The following BNC2 variants were observed in gnomAD, a reference collection of about 807,000 sequenced individuals.
BNC2 encodes basonuclin zinc finger protein 2, also known as zinc finger protein basonuclin-2.
Under a neutral mutation model 76.3 loss-of-function variants are expected in BNC2, and 20 were observed. The ratio of observed to expected loss-of-function variants is 0.26; its 90% CI spans 0.18 to 0.38. The LOEUF (loss-of-function observed/expected upper bound fraction) is 0.38, where lower values mean the gene tolerates loss of function less well. BNC2 is among the 10% of genes least tolerant of loss of function. BNC2 has a pLI of 1.00. For missense variants in BNC2, 1,382 were observed against 1,399.8 expected (o/e 0.99, Z 0.20); for synonymous variants, 582 against 514.8 (o/e 1.13, Z -1.77).
chr9:16,572,116 G>T (rs1819343220), intron 4 of BNC2, among the ~76,000 whole-genome samples: 2 of 151,904 alleles, frequency 1.3e-5, no homozygotes, highest in South Asian at 4.2e-4. Flanking sequence ...TGCAGGCAAA[G>T]GAATATAAAA....
intron 5 of BNC2, among the ~76,000 whole-genome samples, chr9:16,470,746 C>G (rs1013371875): frequency 6.6e-6 from 1 of 152,236 alleles, no homozygotes; most frequent in Non-Finnish European, 1.5e-5. Context: ...GTTTCGGAAC[C>G]TCCGCCTAGA....
At chr9:16,565,751 T>C (rs1209485593) in intron 4 of BNC2, among the ~76,000 whole-genome samples, 1 of 150,562 alleles carries the variant, frequency 6.6e-6, no homozygotes, top group Non-Finnish European at 1.5e-5. Flanking sequence ...GAGGCTGCAG[T>C]GAGCCAAGAT....
intron 3 of BNC2, among the ~76,000 whole-genome samples, chr9:16,615,564 T>C (rs996410226): frequency 6.6e-6 from 1 of 152,202 alleles, no homozygotes; most frequent in Non-Finnish European, 1.5e-5. Flanking sequence ...TTCGGTTTAC[T>C]ACTCTTAGCA....
At chr9:16,484,493 T>G (rs1257852759) in intron 5 of BNC2, among the ~76,000 whole-genome samples, 1 of 152,212 alleles carries the variant, frequency 6.6e-6, no homozygotes, top group African/African-American at 2.4e-5. Flanking sequence ...GTTGTAAAAC[T>G]AAAATATTTA....
rs74709401 is a variant in BNC2 at position 16,528,952 on chromosome 9, T to C, written c.669+23578A>G. ...TGTTCCAGAGGCCAGAAGTTTGCAA[T>C]TGAGGTGTGAGTAGGGCTGTGTTCC... On this transcript the variant is annotated intron_variant, in intron 5 of 6. Coordinates refer to ENST00000380672, the MANE Select transcript of BNC2 (RefSeq NM_017637.6). 2.9e-3 allele frequency among the ~76,000 whole-genome samples: 446 copies of C among 152,288 alleles called. 3 individuals are homozygous for C. Among genetic ancestry groups the C allele is most frequent in the African/African-American group, 0.01 (417 of 41,552 alleles).
At chr9:16,533,935 A>C (rs2132267351) in intron 5 of BNC2, among the ~76,000 whole-genome samples, 1 of 152,266 alleles carries the variant, frequency 6.6e-6, no homozygotes, top group African/African-American at 2.4e-5. Context: ...CTTAGTAGTA[A>C]TACAGCAGAT....
chr9:16,427,752 G>A (rs1820829472), intron 6 of BNC2, among the ~76,000 whole-genome samples: 1 of 152,166 alleles, frequency 6.6e-6, no homozygotes, highest in Non-Finnish European at 1.5e-5. Flanking sequence ...CATCTCTGCT[G>A]ATGAATGGAA....
At chr9:16,681,647 C>A (rs749524799) in intron 3 of BNC2, among the ~76,000 whole-genome samples, 5 of 152,140 alleles carry the variant, frequency 3.3e-5, no homozygotes, top group Non-Finnish European at 5.9e-5. Context: ...TTATTCTCTA[C>A]CCCTCCCTTC....
chr9:16,547,279 C>T (rs1250690775), intron 5 of BNC2, among the ~76,000 whole-genome samples: 1 of 152,238 alleles, frequency 6.6e-6, no homozygotes, highest in Non-Finnish European at 1.5e-5. Context: ...GCATGGGAGC[C>T]TTTACTTTTC....
At chr9:16,769,961 G>A (rs1825791848) in intron 1 of BNC2, among the ~76,000 whole-genome samples, 1 of 152,090 alleles carries the variant, frequency 6.6e-6, no homozygotes, top group African/African-American at 2.4e-5. Flanking sequence ...CAGGCCTTGG[G>A]AAATTTACAC....
intron 3 of BNC2, among the ~76,000 whole-genome samples, chr9:16,707,704 C>T (rs970273473): frequency 2.6e-5 from 4 of 152,138 alleles, no homozygotes; most frequent in South Asian, 4.1e-4. Context: ...TGCAGTGGCA[C>T]GGTTTCAGTT....
chr9:16,565,624 A>G (rs773567595), intron 4 of BNC2, among the ~76,000 whole-genome samples: 2 of 152,078 alleles, frequency 1.3e-5, no homozygotes, highest in Non-Finnish European at 2.9e-5. Flanking sequence ...CCTAAGCAAC[A>G]CGGTGAGACC....
At chr9:16,460,802 A>G (rs1821562890) in intron 5 of BNC2, among the ~76,000 whole-genome samples, 1 of 152,226 alleles carries the variant, frequency 6.6e-6, no homozygotes, top group South Asian at 2.1e-4. Context: ...TATTATCAGG[A>G]TTGAATTAAA....
intron 5 of BNC2, among the ~76,000 whole-genome samples, chr9:16,505,341 T>C (rs1316872116): frequency 6.6e-6 from 1 of 152,134 alleles, no homozygotes; most frequent in Non-Finnish European, 1.5e-5. Flanking sequence ...AAGGAGTAAA[T>C]AATCGAAACA....
chr9:16,616,070 G>A (rs147816823), intron 3 of BNC2, among the ~76,000 whole-genome samples: 9 of 152,264 alleles, frequency 5.9e-5, no homozygotes, highest in South Asian at 2.1e-4. Context: ...GTGTCCAGTT[G>A]ATAATGTTTC....
At chr9:16,547,136 G>A (rs1818509696) in intron 5 of BNC2, among the ~76,000 whole-genome samples, 1 of 152,228 alleles carries the variant, frequency 6.6e-6, no homozygotes, top group African/African-American at 2.4e-5. Context: ...TGGTGTAAGA[G>A]GAGGAAAAGA....
intron 1 of BNC2, among the ~76,000 whole-genome samples, chr9:16,773,797 C>T (rs747264625): frequency 6.6e-6 from 1 of 152,122 alleles, no homozygotes; most frequent in Non-Finnish European, 1.5e-5. Context: ...TGCCAAATGA[C>T]CTCTACAAAA....
At chr9:16,616,841 T>C (rs1820719810) in intron 3 of BNC2, among the ~76,000 whole-genome samples, 1 of 32,252 alleles carries the variant, frequency 3.1e-5, no homozygotes, top group African/African-American at 8.6e-5. Context: ...GGAAGGAAGT[T>C]CTACTGACAC....
intron 3 of BNC2, among the ~76,000 whole-genome samples, chr9:16,586,879 G>A (rs1819786973): frequency 1.3e-5 from 2 of 152,086 alleles, no homozygotes; most frequent in South Asian, 2.1e-4. Context: ...ACAGATTGGA[G>A]GACTATCTCC....
Sources: allele counts gnomAD v4.1 joint callset (sites outside exome capture counted in the v4.1 genomes callset), GRCh38; gene constraint gnomAD v4.1.1; transcripts MANE v1.5; gene names NCBI Gene and HGNC (gene_info 2026-07-23, HGNC 2026-07-21).